RBFOX1: variants seen among roughly 807,000 people sequenced by gnomAD.
RBFOX1 encodes RNA binding protein fox-1 homolog 1.
Under a neutral mutation model 57.7 loss-of-function variants are expected in RBFOX1, and 8 were observed. The observed-to-expected ratio is 0.14, with a 90% CI of 0.08 to 0.25. The LOEUF is 0.25. RBFOX1 is among the 10% of genes least tolerant of loss of function. The probability of loss-of-function intolerance (pLI) is 1.00; values close to 1 mark genes in which losing one functional copy is unlikely to be tolerated. For missense variants in RBFOX1, 611 were observed against 548.5 expected (o/e 1.11, Z -1.14); for synonymous variants, 326 against 222.4 (o/e 1.47, Z -4.15).
chr16:6,364,539 C>G (rs2089215906), intron 2 of RBFOX1, among the ~76,000 whole-genome samples: 1 of 152,156 alleles, frequency 6.6e-6, no homozygotes, highest in African/African-American at 2.4e-5. Context: ...CCATTTTTCC[C>G]CAGCGGTGCA....
intron 1 of RBFOX1, among the ~76,000 whole-genome samples, chr16:6,036,583 G>C (rs1242661920): frequency 6.8e-6 from 1 of 148,108 alleles, no homozygotes; most frequent in African/African-American, 2.5e-5. Context: ...GGAAAGAAAA[G>C]GCCCTGGGTC....
At chr16:6,685,171 C>T (rs929401592) in intron 3 of RBFOX1, among the ~76,000 whole-genome samples, 1 of 152,046 alleles carries the variant, frequency 6.6e-6, no homozygotes, top group East Asian at 1.9e-4. Flanking sequence ...TTCTTTATTC[C>T]TGCTGTACTT....
intron 3 of RBFOX1, among the ~76,000 whole-genome samples, chr16:6,655,977 TG>T (rs1336060408): frequency 6.6e-6 from 1 of 152,218 alleles, no homozygotes; most frequent in African/African-American, 2.4e-5. Flanking sequence ...GGAAGAATAA[TG>T]ATACAGTAAG....
At chr16:7,122,542 G>A (rs550618311) in intron 4 of RBFOX1, among the ~76,000 whole-genome samples, 90 of 152,174 alleles carry the variant, frequency 5.9e-4, no homozygotes, top group African/African-American at 2.0e-3. Flanking sequence ...ACCTAGTAGA[G>A]GCATAAGATA....
rs563566675 is a variant in RBFOX1 at position 7,089,054 on chromosome 16, C to A, written c.27+36956C>A. Among the ~76,000 whole-genome samples, 9 of 152,240 alleles carry A rather than the reference C, an allele frequency of 5.9e-5. No individual in the cohort carries two copies. In the East Asian group the frequency reaches 1.5e-3, roughly 26 times the overall value. On this transcript the variant is annotated intron_variant, in intron 4 of 15. Transcript: ENST00000550418. ...TGCTGGTCTCTAGGTCTGCCTTGCC[C>A]CTCAGTGAGCCTTGTCATTTACACC...
intron 3 of RBFOX1, among the ~76,000 whole-genome samples, chr16:6,822,573 G>A (rs908519225): frequency 4.6e-5 from 7 of 152,280 alleles, no homozygotes; most frequent in East Asian, 1.9e-4. Flanking sequence ...TGAGCTCTTC[G>A]CCGTGCTTGC....
intron 2 of RBFOX1, among the ~76,000 whole-genome samples, chr16:5,509,513 G>A (rs1174665054): frequency 6.6e-6 from 1 of 152,218 alleles, no homozygotes; most frequent in Non-Finnish European, 1.5e-5. Flanking sequence ...AAGAGAGAAA[G>A]GGGAGTGTGG....
chr16:7,122,015 C>T (rs1286585882), intron 4 of RBFOX1, among the ~76,000 whole-genome samples: 1 of 151,974 alleles, frequency 6.6e-6, no homozygotes, highest in Non-Finnish European at 1.5e-5. Context: ...CAAAATGGAT[C>T]ATAGATCTAA....
chr16:6,395,867 A>AGCAGCCTGG (rs796384709), intron 2 of RBFOX1, among the ~76,000 whole-genome samples: 15 of 152,056 alleles, frequency 9.9e-5, no homozygotes, highest in African/African-American at 3.6e-4. Context: ...GGAGTTCATG[A>AGCAGCCTGG]GCAGCCTGGG....
chr16:5,450,816 A>G (rs62016402), intron 1 of RBFOX1, among the ~76,000 whole-genome samples: 62,864 of 151,594 alleles, frequency 0.41, 13,535 homozygotes, highest in Non-Finnish European at 0.47. Context: ...ATTCAGAGCT[A>G]GAAGTGTGCA....
chr16:7,317,888 G>A (rs1276363297), intron 4 of RBFOX1, among the ~76,000 whole-genome samples: 1 of 152,194 alleles, frequency 6.6e-6, no homozygotes, highest in Non-Finnish European at 1.5e-5. Context: ...GAGCTAGTTT[G>A]TATACTACCC....
intron 4 of RBFOX1, among the ~76,000 whole-genome samples, chr16:7,336,386 A>G (rs553835525): frequency 2.6e-5 from 4 of 152,334 alleles, no homozygotes; most frequent in Non-Finnish European, 4.4e-5. Flanking sequence ...CACTTTCACT[A>G]TTGGACAAAT....
intron 2 of RBFOX1, among the ~76,000 whole-genome samples, chr16:6,467,960 T>C (rs1477236409): frequency 6.6e-6 from 1 of 152,228 alleles, no homozygotes; most frequent in Non-Finnish European, 1.5e-5. Context: ...CTGCTTTCTT[T>C]TTAATGTTTC....
At chr16:7,023,722 A>T (rs1402213916) in intron 3 of RBFOX1, among the ~76,000 whole-genome samples, 1 of 152,106 alleles carries the variant, frequency 6.6e-6, no homozygotes, top group African/African-American at 2.4e-5. Flanking sequence ...ACTCTACAGT[A>T]CACAGAAACA....
At chr16:5,968,131 G>A (rs957122134) in intron 4 of RBFOX1, among the ~76,000 whole-genome samples, 3 of 152,128 alleles carry the variant, frequency 2.0e-5, no homozygotes, top group Non-Finnish European at 4.4e-5. Context: ...CTGGAGTGCA[G>A]CGGTGCAATC....
intron 4 of RBFOX1, among the ~76,000 whole-genome samples, chr16:7,084,166 G>T (rs773740559): frequency 5.9e-5 from 9 of 152,172 alleles, no homozygotes; most frequent in Non-Finnish European, 1.2e-4. Flanking sequence ...AAACAGGAGA[G>T]CATGATTCAG....
At chr16:7,455,765 A>T (rs1462309600) in intron 4 of RBFOX1, among the ~76,000 whole-genome samples, 8 of 149,290 alleles carry the variant, frequency 5.4e-5, no homozygotes, top group African/African-American at 2.0e-4. Flanking sequence ...CCAGCCTGGG[A>T]ACAGAATGAG....
At chr16:7,062,927 T>A (rs968752637) in intron 4 of RBFOX1, among the ~76,000 whole-genome samples, 8 of 111,702 alleles carry the variant, frequency 7.2e-5, no homozygotes, top group Non-Finnish European at 1.1e-4. Flanking sequence ...TTTTTTTTTT[T>A]TGCTGAAGTT....
intron 1 of RBFOX1, among the ~76,000 whole-genome samples, chr16:5,380,406 T>C (rs2066101991): frequency 6.6e-6 from 1 of 152,224 alleles, no homozygotes; most frequent in African/African-American, 2.4e-5. Flanking sequence ...ACAACTCAGC[T>C]GAACTCTAAA....
Sources: gnomAD v4.1 joint callset for allele counts (sites outside exome capture counted in the v4.1 genomes callset) on GRCh38, gnomAD v4.1.1 for gene constraint, MANE v1.5 for transcripts, NCBI Gene and HGNC (gene_info 2026-07-23, HGNC 2026-07-21) for gene names.